ESRRG: variants seen among roughly 807,000 people sequenced by gnomAD.
ESRRG encodes estrogen related receptor gamma, also known as estrogen-related receptor gamma.
Under a neutral mutation model 44.0 loss-of-function variants are expected in ESRRG, and 13 were observed. That is an observed-to-expected ratio of 0.30 (90% CI 0.19 to 0.47). The LOEUF (loss-of-function observed/expected upper bound fraction) is 0.47. Among genes scored for constraint, ESRRG ranks in the 20% least tolerant of loss-of-function variants. The pLI, the probability that ESRRG is intolerant of heterozygous loss-of-function variation, is 1.00. For synonymous variants in ESRRG, 215 were observed against 214.6 expected, an observed-to-expected ratio of 1.00 and a Z score of -0.02; for missense variants, 395 against 580.6, an observed-to-expected ratio of 0.68 and a Z score of 3.29.
At chr1:216,748,368 GT>G (rs2091651751) in intron 2 of ESRRG, among the ~76,000 whole-genome samples, 1 of 152,056 alleles carries the variant, frequency 6.6e-6, no homozygotes, top group Non-Finnish European at 1.5e-5. Flanking sequence ...AAAGTCAAAT[GT>G]TTTCCCAACT....
At chr1:216,634,027 C>CA (rs764955213) in intron 3 of ESRRG, among the ~76,000 whole-genome samples, 11 of 152,178 alleles carry the variant, frequency 7.2e-5, no homozygotes, top group Non-Finnish European at 1.5e-4. Context: ...CAATCTCTAA[C>CA]AGAAGGTATT....
At chr1:217,123,030 C>T (rs2092841892) in intron 1 of ESRRG, among the ~76,000 whole-genome samples, 1 of 151,938 alleles carries the variant, frequency 6.6e-6, no homozygotes, top group South Asian at 2.1e-4. Flanking sequence ...CCAGAAGTGA[C>T]ATATATATTT....
intron 2 of ESRRG, among the ~76,000 whole-genome samples, chr1:216,795,908 G>A (rs1421350367): frequency 6.6e-6 from 1 of 152,078 alleles, no homozygotes; most frequent in African/African-American, 2.4e-5. Flanking sequence ...AGGTATACAG[G>A]AAGTGAACCA....
At chr1:216,552,191 T>C (rs1016717340) in intron 5 of ESRRG, among the ~76,000 whole-genome samples, 1 of 152,138 alleles carries the variant, frequency 6.6e-6, no homozygotes, top group Non-Finnish European at 1.5e-5. Flanking sequence ...ATATTGTCCA[T>C]ATAAATCATG....
chr1:217,055,828 C>T (rs1488906727), intron 1 of ESRRG, among the ~76,000 whole-genome samples: 1 of 152,232 alleles, frequency 6.6e-6, no homozygotes, highest in Non-Finnish European at 1.5e-5. Flanking sequence ...CTGTCCTCTT[C>T]CCCACACCCA....
At chr1:216,591,050 A>T (rs1248361962) in intron 3 of ESRRG, among the ~76,000 whole-genome samples, 3 of 152,110 alleles carry the variant, frequency 2.0e-5, no homozygotes, top group African/African-American at 7.2e-5. Context: ...TTCCTGAGTG[A>T]AAAGGGTGAG....
intron 3 of ESRRG, among the ~76,000 whole-genome samples, chr1:216,615,876 G>A (rs1558828459): frequency 6.6e-6 from 1 of 151,838 alleles, no homozygotes; most frequent in African/African-American, 2.4e-5. Context: ...AGTAGAGACA[G>A]GGTTTCTCCA....
chr1:217,101,030 A>G (rs2092503765), intron 1 of ESRRG, among the ~76,000 whole-genome samples: 1 of 152,224 alleles, frequency 6.6e-6, no homozygotes, highest in Admixed American at 6.5e-5. Flanking sequence ...TTTGTTTTAC[A>G]AAGAGTAACC....
At chr1:216,569,951 T>C (rs945619645) in intron 3 of ESRRG, among the ~76,000 whole-genome samples, 3 of 152,186 alleles carry the variant, frequency 2.0e-5, no homozygotes, top group Non-Finnish European at 4.4e-5. Context: ...CCGATTAATG[T>C]CACGCAGAAT....
intron 2 of ESRRG, among the ~76,000 whole-genome samples, chr1:216,815,888 T>G (rs2095120654): frequency 6.6e-6 from 1 of 152,176 alleles, no homozygotes; most frequent in South Asian, 2.1e-4. Context: ...ATTGGCCATA[T>G]GTTATTTGGT....
At chr1:216,938,115 C>G (rs996363141) in intron 2 of ESRRG, among the ~76,000 whole-genome samples, 8 of 152,112 alleles carry the variant, frequency 5.3e-5, no homozygotes, top group African/African-American at 1.4e-4. Flanking sequence ...AAAAGTTGAG[C>G]ATGTAGCTAT....
chr1:216,521,880 T>A (rs140055693), intron 5 of ESRRG, among the ~76,000 whole-genome samples: 12 of 152,158 alleles, frequency 7.9e-5, no homozygotes, highest in South Asian at 6.2e-4. Flanking sequence ...TACGTTCTCA[T>A]GGAAGGATCA....
chr1:216,989,436 A>G (rs2075350849), intron 1 of ESRRG, among the ~76,000 whole-genome samples: 1 of 151,616 alleles, frequency 6.6e-6, no homozygotes, highest in South Asian at 2.1e-4. Flanking sequence ...TCAAAAAAAA[A>G]AAAAAAAAAA....
intron 1 of ESRRG, among the ~76,000 whole-genome samples, chr1:216,693,030 G>T (rs2079372965): frequency 1.3e-5 from 2 of 152,176 alleles, no homozygotes; most frequent in South Asian, 4.1e-4. Flanking sequence ...TTAACGCTTT[G>T]TAAGTCCCCA....
chr1:217,031,680 T>C (rs189178419), intron 1 of ESRRG, among the ~76,000 whole-genome samples: 38 of 152,326 alleles, frequency 2.5e-4, no homozygotes, highest in African/African-American at 9.1e-4. Flanking sequence ...TCCCCACATG[T>C]GGTGGGAGGG....
intron 2 of ESRRG, among the ~76,000 whole-genome samples, chr1:216,845,855 T>C (rs1381978312): frequency 6.6e-6 from 1 of 152,038 alleles, no homozygotes. Flanking sequence ...GACCCCACTT[T>C]CCTGGAAGAG....
At chr1:216,511,895 G>C (rs568204798) in intron 6 of ESRRG, among the ~76,000 whole-genome samples, 11 of 152,258 alleles carry the variant, frequency 7.2e-5, no homozygotes, top group Admixed American at 7.2e-4. Context: ...AAATATGTTT[G>C]AGTACATGTG....
At chr1:216,590,682 C>G (rs1033226215) in intron 3 of ESRRG, among the ~76,000 whole-genome samples, 2 of 151,892 alleles carry the variant, frequency 1.3e-5, no homozygotes, top group African/African-American at 4.8e-5. Context: ...GAGTATTATT[C>G]AGTAATTTCA....
chr1:216,602,012 G>A (rs776149630), intron 3 of ESRRG, among the ~76,000 whole-genome samples: 1 of 152,160 alleles, frequency 6.6e-6, no homozygotes, highest in Admixed American at 6.5e-5. Flanking sequence ...ACTTGCCCAA[G>A]ATCACACAGC....
Sources: allele counts gnomAD v4.1 joint callset (sites outside exome capture counted in the v4.1 genomes callset), GRCh38; gene constraint gnomAD v4.1.1; transcripts MANE v1.5; gene names NCBI Gene and HGNC (gene_info 2026-07-23, HGNC 2026-07-21).